The following ZFPM2 variants were observed in gnomAD, a reference collection of about 807,000 sequenced individuals.
The protein encoded by ZFPM2 is zinc finger protein ZFPM2.
A neutral mutation model predicts 98.6 loss-of-function variants in ZFPM2; 20 were observed. That is an observed-to-expected ratio of 0.20 (90% CI 0.14 to 0.29). ZFPM2 has a LOEUF of 0.29. ZFPM2 is among the 10% of genes least tolerant of loss of function. The pLI is 1.00. For missense variants in ZFPM2, 1,310 were observed against 1,388.6 expected (o/e 0.94, Z 0.90); for synonymous variants, 518 against 502.7 (o/e 1.03, Z -0.41).
chr8:105,718,420 T>A (rs899839180), intron 5 of ZFPM2, among the ~76,000 whole-genome samples: 9 of 151,986 alleles, frequency 5.9e-5, no homozygotes, highest in Non-Finnish European at 8.8e-5. Context: ...TTTCAAACTG[T>A]AGCAGGATAG....
chr8:105,522,663 C>T (rs777691940), intron 3 of ZFPM2, among the ~76,000 whole-genome samples: 2 of 151,748 alleles, frequency 1.3e-5, no homozygotes, highest in Non-Finnish European at 2.9e-5. Context: ...CCAGCTTACT[C>T]GGGAGGCTGA....
intron 1 of ZFPM2, among the ~76,000 whole-genome samples, chr8:105,321,954 A>C (rs1171268145): frequency 6.6e-6 from 1 of 152,166 alleles, no homozygotes; most frequent in Non-Finnish European, 1.5e-5. Flanking sequence ...CTGATAATAC[A>C]GTGATAAATT....
chr8:105,347,841 G>T (rs1411385710), intron 1 of ZFPM2, among the ~76,000 whole-genome samples: 1 of 151,916 alleles, frequency 6.6e-6, no homozygotes, highest in African/African-American at 2.4e-5. Context: ...TATAGCCGTT[G>T]GACATGTTTA....
At chr8:105,528,241 G>C (rs1024725482) in intron 3 of ZFPM2, among the ~76,000 whole-genome samples, 1 of 152,080 alleles carries the variant, frequency 6.6e-6, no homozygotes, top group African/African-American at 2.4e-5. Flanking sequence ...TGGGCTCTAA[G>C]ATTCTGCATT....
chr8:105,654,225 A>G (rs1426260407), intron 5 of ZFPM2, among the ~76,000 whole-genome samples: 1 of 152,132 alleles, frequency 6.6e-6, no homozygotes, highest in Non-Finnish European at 1.5e-5. Flanking sequence ...AGGAAAAAAA[A>G]AAACAAATTT....
chr8:105,633,866 G>T (rs1359290803), intron 4 of ZFPM2, among the ~76,000 whole-genome samples: 1 of 152,122 alleles, frequency 6.6e-6, no homozygotes, highest in East Asian at 1.9e-4. Flanking sequence ...TCAGGAAATA[G>T]TGAGATCCTG....
chr8:105,570,140 T>C (rs1815324081), intron 4 of ZFPM2, among the ~76,000 whole-genome samples: 1 of 152,026 alleles, frequency 6.6e-6, no homozygotes, highest in African/African-American at 2.4e-5. Flanking sequence ...GATCCTGGCT[T>C]CTCTTATACT....
chr8:105,578,024 G>A (rs540170487), intron 4 of ZFPM2, among the ~76,000 whole-genome samples: 130 of 152,050 alleles, frequency 8.5e-4, no homozygotes, highest in Non-Finnish European at 1.4e-3. Context: ...CTAGACTTAA[G>A]AAATAGAGTT....
rs1402945146 is a variant in ZFPM2 at position 105,801,639 on chromosome 8, G to A, written c.1557G>A (p.Lys519=). Residue 519 remains lysine (K), a synonymous_variant, in exon 8 of 8, where the codon AAG becomes AAA. Transcript: ENST00000407775. ...CTCAAGCTTCAGAGATCTTAGCTAA[G>A]ATGTCTGAACTGGTGCATCGGCGAC... ...MVPQASEILA[K]MSELVHRRLR... 1.9e-6 allele frequency: 3 copies of A among 1,613,650 alleles called. No homozygotes were observed. In the African/African-American group the frequency reaches 4.0e-5, roughly 22 times the overall value.
rs1307708750 is a variant in ZFPM2, at chr8:105,487,925, TCTATCTAGCTAGCTAG to T, written c.301+43548_301+43563del. Reference sequence around the variant, plus strand: ...ATCTATCTATCTATCTATCTATCTATCTATCTAGCTAGCTAGCTAGCTAGCTATCTGTCATGTCTTT... The same window carrying T: ...ATCTATCTATCTATCTATCTATCTATCTAGCTAGCTATCTGTCATGTCTTT... On this transcript the variant is annotated intron_variant, in intron 3 of 7. Transcript: ENST00000407775. 1.3e-3 allele frequency among the ~76,000 whole-genome samples: 142 copies of T among 111,064 alleles called. 2 individuals are homozygous for T. The highest frequency in any genetic ancestry group is 3.9e-3 in the African/African-American group (125 of 31,818). 72.9% of individuals were successfully genotyped at this position (111,064 alleles called of 152,430 possible). A position where few individuals can be genotyped will look rare whatever the true frequency, so the allele number is the denominator to read the frequency against.
In ZFPM2 at chr8:105,356,294, CT is replaced by C. The variant is rs1240686361; in HGVS notation, c.40+37315del. On this transcript the variant is annotated intron_variant, in intron 1 of 7. Transcript: ENST00000407775. ...GACAGGTTTCTATGTATTTGTGGTG[CT>C]TGGGGAAGTTGTCAGCTGACCTCTT... Among the ~76,000 whole-genome samples, 5 of 152,156 alleles carry C rather than the reference CT, an allele frequency of 3.3e-5. No homozygotes were observed. In the East Asian group the frequency reaches 9.6e-4, roughly 29 times the overall value.
chr8:105,482,984 T>TC (rs1451676486), intron 3 of ZFPM2, among the ~76,000 whole-genome samples: 1 of 62,168 alleles, frequency 1.6e-5, no homozygotes, highest in Admixed American at 2.4e-4. Context: ...CCTCCCTCCC[T>TC]CCCCCCATCC....
chr8:105,642,039 C>T (rs1381434412), intron 5 of ZFPM2, among the ~76,000 whole-genome samples: 1 of 152,050 alleles, frequency 6.6e-6, no homozygotes, highest in African/African-American at 2.4e-5. Context: ...TGAGAGGTGA[C>T]TCACTGTCAT....
intron 3 of ZFPM2, among the ~76,000 whole-genome samples, chr8:105,474,537 A>G (rs1812975330): frequency 6.6e-6 from 1 of 152,002 alleles, no homozygotes; most frequent in Non-Finnish European, 1.5e-5. Flanking sequence ...TTCATAAGGT[A>G]ATTGGTAAGT....
At chr8:105,749,481 C>A (rs192466156) in intron 5 of ZFPM2, among the ~76,000 whole-genome samples, 8 of 152,106 alleles carry the variant, frequency 5.3e-5, no homozygotes, top group Admixed American at 5.2e-4. Flanking sequence ...TCCAAACTCC[C>A]TTTGATTCTT....
intron 4 of ZFPM2, among the ~76,000 whole-genome samples, chr8:105,581,355 A>G (rs1265230886): frequency 2.0e-5 from 3 of 152,220 alleles, no homozygotes; most frequent in East Asian, 1.9e-4. Flanking sequence ...GCAAGTTGCA[A>G]TAGATACTTT....
At position 105,758,909 on chromosome 8, in the gene ZFPM2, C is replaced by T. The variant is rs139948091; in HGVS notation, c.533-29809C>T. Among the ~76,000 whole-genome samples the T allele has an allele frequency of 2.7e-3, 405 of 152,168 alleles. 1 individual carries two copies. Among genetic ancestry groups the T allele is most frequent in the African/African-American group, 8.4e-3 (348 of 41,546 alleles). ...GAAACTCATGCCTGATGGTAAAGTG[C>T]TTCCTGGCCTGTGTTAACAAGCATC... On this transcript the variant is annotated intron_variant, in intron 5 of 7. Transcript: ENST00000407775.
At chr8:105,484,054 T>A (rs537682049) in intron 3 of ZFPM2, among the ~76,000 whole-genome samples, 1 of 152,188 alleles carries the variant, frequency 6.6e-6, no homozygotes, top group South Asian at 2.1e-4. Context: ...CTTTTAAATC[T>A]TCTTTTTTAC....
intron 1 of ZFPM2, among the ~76,000 whole-genome samples, chr8:105,335,689 A>T (rs1812313286): frequency 6.6e-6 from 1 of 151,824 alleles, no homozygotes; most frequent in Non-Finnish European, 1.5e-5. Context: ...GTTAGTGGTC[A>T]GCACCAAAAA....
Sources: allele counts gnomAD v4.1 joint callset (sites outside exome capture counted in the v4.1 genomes callset), GRCh38; gene constraint gnomAD v4.1.1; transcripts MANE v1.5; gene names NCBI Gene and HGNC (gene_info 2026-07-23, HGNC 2026-07-21).